Variants in DRICH1 observed in about 807,000 individuals in gnomAD.
DRICH1 encodes aspartate rich 1.
Under a neutral mutation model 39.5 loss-of-function variants are expected in DRICH1, and 38 were observed. The ratio of observed to expected loss-of-function variants is 0.96; its 90% CI spans 0.74 to 1.26. The LOEUF is 1.26. Ranked by LOEUF, DRICH1 falls within the 50% of genes most tolerant of loss-of-function variation. DRICH1 has a pLI of 0.00. For missense variants in DRICH1, 279 were observed against 270.4 expected (o/e 1.03, Z -0.22); for synonymous variants, 84 against 99.5 (o/e 0.84, Z 0.93).
In DRICH1 at chr22:23,608,747, A is replaced by G. The variant is rs1297651482; in HGVS notation, c.*17T>C. 2 of 1,558,578 alleles carry G rather than the reference A, an allele frequency of 1.3e-6. No individual in the cohort carries two copies. The highest frequency in any genetic ancestry group is 1.7e-6 in the Non-Finnish European group (2 of 1,150,034). ...TGCCCTTTGGGTCAGCACCCTGGTCAGCTCCACAGAAGGGCTTCACCCTGG... is the reference window on the plus strand; with the variant it reads ...TGCCCTTTGGGTCAGCACCCTGGTCGGCTCCACAGAAGGGCTTCACCCTGG... On this transcript the variant is annotated 3_prime_UTR_variant, in exon 12 of 12. Coordinates refer to ENST00000317749, the MANE Select transcript of DRICH1 (RefSeq NM_016449.4).
At chr22:23,599,034 G>A in the DRICH1 span, among the ~76,000 whole-genome samples, 3 of 152,214 alleles carry the variant, frequency 2.0e-5, no homozygotes. Flanking sequence ...CTGACCATGG[G>A]CCCCACAGAA....
intron 4 of DRICH1, among the ~76,000 whole-genome samples, chr22:23,620,908 T>C (rs975324391): frequency 1.3e-5 from 2 of 152,204 alleles, no homozygotes; most frequent in Non-Finnish European, 2.9e-5. Flanking sequence ...AAAATGCCTC[T>C]GCATTACAGT....
At chr22:23,585,061 C>T in the DRICH1 span, among the ~76,000 whole-genome samples, 1 of 152,172 alleles carries the variant, frequency 6.6e-6, no homozygotes, top group African/African-American at 2.4e-5. Flanking sequence ...CAACTGTTGG[C>T]TTATTCAGCA....
the DRICH1 span, chr22:23,583,073 G>A: frequency 6.6e-6 from 1 of 152,262 alleles, no homozygotes; most frequent in Admixed American, 6.5e-5. Context: ...GACTCCAGCT[G>A]GAGAGCGAAC....
intron 11 of DRICH1, among the ~76,000 whole-genome samples, chr22:23,611,553 A>T (rs991082193): frequency 6.6e-6 from 1 of 151,758 alleles, no homozygotes; most frequent in Non-Finnish European, 1.5e-5. Flanking sequence ...CACCACACCC[A>T]GCTAATGTTT....
At chr22:23,607,951 A>C (rs1926829474), downstream of DRICH1, among the ~76,000 whole-genome samples, 1 of 152,214 alleles carries the variant, frequency 6.6e-6, no homozygotes, top group Admixed American at 6.5e-5. Flanking sequence ...CTGGCCCAAA[A>C]GACTGCTGAG....
chr22:23,607,248 G>A (rs1026049224), downstream of DRICH1: 2 of 152,446 alleles, frequency 1.3e-5, no homozygotes, highest in South Asian at 4.1e-4. Flanking sequence ...CACTGAGTGT[G>A]TCCTGTGTGC....
At chr22:23,582,572 T>TGTTATTATTA in the DRICH1 span, among the ~76,000 whole-genome samples, 1 of 148,754 alleles carries the variant, frequency 6.7e-6, no homozygotes, top group African/African-American at 2.5e-5. Flanking sequence ...TTATTATTAT[T>TGTTATTATTA]ATTATTATTT....
chr22:23,632,481 G>GC (rs1232919763), upstream of DRICH1, among the ~76,000 whole-genome samples: 2 of 152,098 alleles, frequency 1.3e-5, no homozygotes, highest in Admixed American at 1.3e-4. Context: ...CCACCTTGTG[G>GC]CCCCCCTGCC....
At chr22:23,625,911 AG>A in intron 2 of DRICH1, 69 bp downstream of exon 2, 1 of 1,255,648 alleles carries the variant, frequency 8.0e-7, no homozygotes, top group African/African-American at 1.5e-5. Context: ...CTTTGGGTTT[AG>A]ATGGGTGAAT....
chr22:23,620,650 A>G (rs1310723482), intron 4 of DRICH1, 35 bp from the exon 5 acceptor site: 2 of 1,611,384 alleles, frequency 1.2e-6, no homozygotes, highest in Non-Finnish European at 1.7e-6. Context: ...TATGAGGATC[A>G]GATCAATTCT....
At chr22:23,618,827 A>AT (rs888774820) in intron 6 of DRICH1, among the ~76,000 whole-genome samples, 21 of 152,220 alleles carry the variant, frequency 1.4e-4, no homozygotes, top group Admixed American at 5.9e-4. Context: ...AGCTTATGTA[A>AT]TTTTTTTACC....
chr22:23,600,816 G>A, the DRICH1 span, among the ~76,000 whole-genome samples: 8,077 of 151,904 alleles, frequency 0.053, 398 homozygotes, highest in African/African-American at 0.12. Flanking sequence ...GGGACTATGG[G>A]CACCCGCCAC....
chr22:23,589,767 C>T, the DRICH1 span, among the ~76,000 whole-genome samples: 27 of 152,240 alleles, frequency 1.8e-4, no homozygotes, highest in African/African-American at 6.5e-4. Flanking sequence ...AGTCTCTGTG[C>T]CCTCAGCAGA....
At chr22:23,604,280 G>A (rs1216558024), downstream of DRICH1, among the ~76,000 whole-genome samples, 1 of 152,062 alleles carries the variant, frequency 6.6e-6, no homozygotes, top group African/African-American at 2.4e-5. Flanking sequence ...GTCCAGCCCT[G>A]TGGGCCGCCT....
At chr22:23,598,437 G>A in the DRICH1 span, among the ~76,000 whole-genome samples, 23,038 of 146,930 alleles carry the variant, frequency 0.16, 1,500 homozygotes, top group African/African-American at 0.21. Flanking sequence ...TATCACCCCC[G>A]TGTACAGAGG....
the DRICH1 span, among the ~76,000 whole-genome samples, chr22:23,603,155 G>T: frequency 6.6e-6 from 1 of 151,828 alleles, no homozygotes; most frequent in Non-Finnish European, 1.5e-5. Flanking sequence ...TTTAGCTGAA[G>T]TTTTATCCCC....
chr22:23,630,311 C>T (rs1446489809), intron 1 of DRICH1, among the ~76,000 whole-genome samples: 1 of 152,144 alleles, frequency 6.6e-6, no homozygotes, highest in African/African-American at 2.4e-5. Flanking sequence ...GGAGTGATGA[C>T]ACGGTTGAGT....
downstream of DRICH1, among the ~76,000 whole-genome samples, chr22:23,607,783 C>A (rs1343377857): frequency 2.0e-5 from 3 of 152,198 alleles, no homozygotes; most frequent in Non-Finnish European, 4.4e-5. Context: ...GCCTCCCCAG[C>A]CTCCCTGCAT....
Sources: allele counts gnomAD v4.1 joint callset (sites outside exome capture counted in the v4.1 genomes callset), GRCh38; gene constraint gnomAD v4.1.1; transcripts MANE v1.5; gene names NCBI Gene and HGNC (gene_info 2026-07-23, HGNC 2026-07-21).